The following ARHGAP22 variants were observed in gnomAD, a reference collection of about 807,000 sequenced individuals.
ARHGAP22 encodes the protein rho GTPase-activating protein 22.
Under a neutral mutation model 59.1 loss-of-function variants are expected in ARHGAP22, and 48 were observed. The ratio of observed to expected loss-of-function variants is 0.81; its 90% confidence interval spans 0.64 to 1.03. ARHGAP22 has a LOEUF of 1.03. Among genes scored for constraint, ARHGAP22 ranks in the 50% least tolerant of loss-of-function variants. The probability of loss-of-function intolerance (pLI) is 0.00; values close to 1 mark genes in which losing one functional copy is unlikely to be tolerated. For missense variants in ARHGAP22, 1,015 were observed against 958.7 expected, an observed-to-expected ratio of 1.06 and a Z score of -0.78; for synonymous variants, 445 against 416.4, an observed-to-expected ratio of 1.07 and a Z score of -0.84.
At chr10:48,524,111 C>T (rs1174478418) in intron 3 of ARHGAP22, 4 of 1,339,540 alleles carry the variant, frequency 3.0e-6, no homozygotes, top group South Asian at 4.0e-5. Context: ...CCATGGCAGC[C>T]GCCCGCGGCC....
At chr10:48,539,973 G>A (rs982048633) in intron 3 of ARHGAP22, among the ~76,000 whole-genome samples, 4 of 152,036 alleles carry the variant, frequency 2.6e-5, no homozygotes, top group East Asian at 1.9e-4. Flanking sequence ...CTTTTGTCAC[G>A]GCCATTTTTC....
intron 3 of ARHGAP22, among the ~76,000 whole-genome samples, chr10:48,500,369 A>T (rs1468564893): frequency 7.1e-6 from 1 of 140,816 alleles, no homozygotes; most frequent in Non-Finnish European, 1.5e-5. Context: ...CAACAACAAA[A>T]ACCTGAGTAG....
Position 48,485,828 on chromosome 10 carries a change from G to C in ARHGAP22, c.323-6064C>G, listed in dbSNP as rs151323354. The stretch of plus-strand genomic sequence containing the variant: ...TAGCCATCCAGTTTTCTTTTGATTA[G>C]TGTCAGTATGATGTTATCTTTTTCC... On this transcript the variant is annotated intron_variant, in intron 3 of 9. Coordinates refer to ENST00000249601, the MANE Select transcript of ARHGAP22 (RefSeq NM_021226.4). Among the ~76,000 whole-genome samples, 19 of 152,216 alleles carry C rather than the reference G, an allele frequency of 1.2e-4. No individual in the cohort carries two copies. In the East Asian group the frequency reaches 2.7e-3, roughly 22 times the overall value.
intron 3 of ARHGAP22, among the ~76,000 whole-genome samples, chr10:48,506,749 A>G (rs1050398376): frequency 6.6e-6 from 1 of 152,140 alleles, no homozygotes; most frequent in African/African-American, 2.4e-5. Context: ...TGGAGGCAAC[A>G]TGGTAGCTTA....
chr10:48,652,724 G>C (rs1359387598), upstream of ARHGAP22: 1 of 164,874 alleles, frequency 6.1e-6, no homozygotes, highest in African/African-American at 2.4e-5. Flanking sequence ...TTTCCAGAAA[G>C]CCTTAGAAAT....
intron 5 of ARHGAP22, among the ~76,000 whole-genome samples, chr10:48,459,233 G>A (rs983915731): frequency 1.2e-4 from 18 of 152,154 alleles, no homozygotes; most frequent in African/African-American, 4.1e-4. Flanking sequence ...GAGGAGACTC[G>A]CTCTCCTGTC....
intron 3 of ARHGAP22, among the ~76,000 whole-genome samples, chr10:48,550,443 C>A (rs1468760618): frequency 2.0e-5 from 3 of 152,208 alleles, no homozygotes; most frequent in African/African-American, 7.2e-5. Flanking sequence ...AGGTGGACTC[C>A]ATTTCCCAGA....
chr10:48,594,555 C>G (rs1175029224), intron 1 of ARHGAP22, among the ~76,000 whole-genome samples: 1 of 152,192 alleles, frequency 6.6e-6, no homozygotes, highest in Non-Finnish European at 1.5e-5. Context: ...GTCTATTTCC[C>G]TCCCCACCCC....
chr10:48,440,831 G>A, the ARHGAP22 span, among the ~76,000 whole-genome samples: 5 of 152,198 alleles, frequency 3.3e-5, no homozygotes, highest in African/African-American at 1.2e-4. Flanking sequence ...GGCTGGAGGT[G>A]TGGACATTGG....
At chr10:48,466,594 A>AGC (rs2047721682) in intron 4 of ARHGAP22, 7 of 145,030 alleles carry the variant, frequency 4.8e-5, no homozygotes, top group Non-Finnish European at 1.1e-4. Flanking sequence ...GCGGGCGCGC[A>AGC]ACAAGCGGGC....
chr10:48,451,807 C>T (rs1175930615), intron 8 of ARHGAP22, among the ~76,000 whole-genome samples: 4 of 151,124 alleles, frequency 2.6e-5, no homozygotes, highest in Admixed American at 2.6e-4. Context: ...CCCGAAAATC[C>T]CACACACATA....
chr10:48,463,470 C>T (rs751415893), intron 4 of ARHGAP22, among the ~76,000 whole-genome samples: 24 of 152,204 alleles, frequency 1.6e-4, no homozygotes, highest in Non-Finnish European at 3.4e-4. Context: ...AGGGGAGGGG[C>T]TGACCTGGCA....
At chr10:48,577,661 G>A (rs1316050519) in intron 2 of ARHGAP22, among the ~76,000 whole-genome samples, 2 of 151,122 alleles carry the variant, frequency 1.3e-5, no homozygotes, top group Non-Finnish European at 2.9e-5. Context: ...CCAAGAAAGG[G>A]CCAGAGTCCC....
intron 3 of ARHGAP22, among the ~76,000 whole-genome samples, chr10:48,526,742 A>T (rs2054359293): frequency 6.6e-6 from 1 of 152,230 alleles, no homozygotes; most frequent in Non-Finnish European, 1.5e-5. Context: ...GTAGCAAAGC[A>T]GGATCGTTTC....
chr10:48,577,132 T>C (rs908824490), intron 2 of ARHGAP22, among the ~76,000 whole-genome samples: 3 of 152,116 alleles, frequency 2.0e-5, no homozygotes, highest in Non-Finnish European at 4.4e-5. Flanking sequence ...TTCCTAGAAG[T>C]GTCAAGTTTT....
At chr10:48,530,960 A>C (rs2054787478) in intron 3 of ARHGAP22, among the ~76,000 whole-genome samples, 1 of 152,242 alleles carries the variant, frequency 6.6e-6, no homozygotes, top group South Asian at 2.1e-4. Flanking sequence ...TATGAAAAAG[A>C]TACTTGCACA....
intron 1 of ARHGAP22, among the ~76,000 whole-genome samples, chr10:48,646,864 A>T (rs1288375698): frequency 6.6e-6 from 1 of 152,206 alleles, no homozygotes. Context: ...TGATTCATAA[A>T]AGAAAAGATA....
chr10:48,557,560 C>G (rs144741444), intron 2 of ARHGAP22, among the ~76,000 whole-genome samples: 2 of 152,208 alleles, frequency 1.3e-5, no homozygotes, highest in Admixed American at 1.3e-4. Context: ...CTGTGCCCAC[C>G]GCCCACAAGG....
intron 2 of ARHGAP22, among the ~76,000 whole-genome samples, chr10:48,577,806 T>C (rs1267522596): frequency 4.6e-5 from 5 of 109,446 alleles, no homozygotes; most frequent in Admixed American, 9.5e-5. Flanking sequence ...TTTTGGTTTT[T>C]TTTTTTTTTT....
Sources: gnomAD v4.1 joint callset for allele counts (sites outside exome capture counted in the v4.1 genomes callset) on GRCh38, gnomAD v4.1.1 for gene constraint, MANE v1.5 for transcripts, NCBI Gene and HGNC (gene_info 2026-07-23, HGNC 2026-07-21) for gene names.